Variants in JMJD1C observed in about 807,000 individuals in gnomAD.
The protein encoded by JMJD1C is jumonji domain-containing protein 1C.
A neutral mutation model predicts 245.3 loss-of-function variants in JMJD1C; 31 were observed. The ratio of observed to expected loss-of-function variants is 0.13; its 90% CI spans 0.09 to 0.17. The LOEUF is 0.17. JMJD1C is among the 10% of genes least tolerant of loss of function. The probability of loss-of-function intolerance (pLI) is 1.00; values close to 1 mark genes in which losing one functional copy is unlikely to be tolerated. For missense variants in JMJD1C, 2,691 were observed against 3,000.2 expected, an observed-to-expected ratio of 0.90 and a Z score of 2.41; for synonymous variants, 1,057 against 1,017.4, an observed-to-expected ratio of 1.04 and a Z score of -0.74.
chr10:63,366,888 G>C (rs1321330069), intron 2 of JMJD1C, among the ~76,000 whole-genome samples: 1 of 152,188 alleles, frequency 6.6e-6, no homozygotes, highest in African/African-American at 2.4e-5. Flanking sequence ...ACCTGGAATA[G>C]CGAAACAGAA....
At chr10:63,407,739 T>C (rs1418590591) in intron 1 of JMJD1C, among the ~76,000 whole-genome samples, 1 of 143,518 alleles carries the variant, frequency 7.0e-6, no homozygotes, top group Admixed American at 6.9e-5. Flanking sequence ...AAAAAAAGAA[T>C]ATTCTGAATG....
At chr10:63,507,123 C>A (rs1190380457) in intron 1 of JMJD1C, among the ~76,000 whole-genome samples, 1 of 152,172 alleles carries the variant, frequency 6.6e-6, no homozygotes, top group Non-Finnish European at 1.5e-5. Flanking sequence ...GCTAATATTT[C>A]ATTGTCAAAA....
At chr10:63,209,268 G>C in intron 8 of JMJD1C, 33 bp from the exon 9 acceptor site, 1 of 1,557,944 alleles carries the variant, frequency 6.4e-7, no homozygotes, top group Non-Finnish European at 8.7e-7. Flanking sequence ...AAAACACCTA[G>C]ATTTCAGTTA....
chr10:63,189,487 G>A (rs1234898807), intron 17 of JMJD1C, 41 bp from the exon 18 acceptor site: 1 of 1,531,460 alleles, frequency 6.5e-7, no homozygotes, highest in South Asian at 1.2e-5. Context: ...CTGTTTTTGA[G>A]AGAAATCAAA....
At chr10:63,490,604 C>A (rs563944720) in intron 1 of JMJD1C, among the ~76,000 whole-genome samples, 1 of 151,874 alleles carries the variant, frequency 6.6e-6, no homozygotes, top group South Asian at 2.1e-4. Context: ...TTAATAGAGA[C>A]GGGGTTTCAC....
chr10:63,484,045 A>G (rs576668366), intron 1 of JMJD1C, among the ~76,000 whole-genome samples: 1 of 152,324 alleles, frequency 6.6e-6, no homozygotes, highest in East Asian at 1.9e-4. Context: ...TGAAGCTAAG[A>G]AAGAATAACA....
chr10:63,483,415 T>C (rs1042131576), intron 1 of JMJD1C, among the ~76,000 whole-genome samples: 1 of 152,208 alleles, frequency 6.6e-6, no homozygotes, highest in Non-Finnish European at 1.5e-5. Flanking sequence ...AGGGGGAGGC[T>C]ATCCTCTGTG....
chr10:63,361,763 ACTC>A (rs1474347617), intron 2 of JMJD1C, among the ~76,000 whole-genome samples: 2 of 149,194 alleles, frequency 1.3e-5, no homozygotes, highest in African/African-American at 2.5e-5. Context: ...AGAATATCCT[ACTC>A]CTCAATTTCA....
intron 1 of JMJD1C, among the ~76,000 whole-genome samples, chr10:63,392,423 G>C (rs1402259139): frequency 6.6e-6 from 1 of 152,104 alleles, no homozygotes; most frequent in Non-Finnish European, 1.5e-5. Context: ...ACAGAATGAA[G>C]AGACAACCTG....
chr10:63,235,144 A>C (rs1850577443), intron 3 of JMJD1C, among the ~76,000 whole-genome samples: 1 of 152,242 alleles, frequency 6.6e-6, no homozygotes, highest in Non-Finnish European at 1.5e-5. Context: ...CGTTTCAGAT[A>C]CTGTGCTAGA....
At chr10:63,194,426 A>G (rs770261181) in intron 13 of JMJD1C, 51 bp from the exon 14 acceptor site, 1 of 1,208,706 alleles carries the variant, frequency 8.3e-7, no homozygotes, top group Non-Finnish European at 1.2e-6. Flanking sequence ...ATAATTATAA[A>G]TTGATAGTGT....
At chr10:63,520,610 T>C (rs933615416) in intron 1 of JMJD1C, among the ~76,000 whole-genome samples, 1 of 151,614 alleles carries the variant, frequency 6.6e-6, no homozygotes, top group African/African-American at 2.4e-5. Context: ...CAGTTGTAAA[T>C]CTTACAGCTG....
chr10:63,500,948 TG>T (rs1403829775), intron 1 of JMJD1C, among the ~76,000 whole-genome samples: 1 of 152,244 alleles, frequency 6.6e-6, no homozygotes, highest in East Asian at 1.9e-4. Flanking sequence ...TCAAATAATA[TG>T]TTTTTCCTCT....
chr10:63,311,930 C>G (rs964058769), intron 2 of JMJD1C, among the ~76,000 whole-genome samples: 2 of 152,068 alleles, frequency 1.3e-5, no homozygotes, highest in African/African-American at 4.8e-5. Context: ...TTATTATATG[C>G]TTTCACTTAA....
In JMJD1C at chr10:63,510,882, T is replaced by C. The variant is rs1427538038; in HGVS notation, n.113+10856A>G. Among the ~76,000 whole-genome samples, 4 of 152,246 alleles carry C rather than the reference T, an allele frequency of 2.6e-5. No homozygotes were observed. In the East Asian group the frequency reaches 5.8e-4, roughly 22 times the overall value. ...TATTCTGATGCTTTGTTGTTAGGCA[T>C]ATAGATATTAAGAATTGTTGTATCT... On this transcript the variant is annotated intron_variant and non_coding_transcript_variant, in intron 1 of 3. Transcript: ENST00000633035.
Position 63,214,641 on chromosome 10 carries a change from A to T in JMJD1C, c.1526T>A (p.Val509Asp), listed in dbSNP as rs755617043. The change falls in exon 8 of 26, where the codon GTT becomes GAT. Residue 509 changes from valine (V) to aspartate (D), a missense_variant. Physicochemically the swap from Val to Asp is radical, Grantham distance 152. This residue lies in a region of JMJD1C where 1,562 missense variants were observed against 1,490.7 expected (regional missense o/e 1.05). Coordinates refer to ENST00000399262, the MANE Select transcript of JMJD1C (RefSeq NM_032776.3). ...ATTAGTGTCATTTGTAATATCAATA[A>T]CACATTTTGGTGTGGGTGGTCTGGA... ...FVSRPPTPKCVIDITNDTNLE... is the reference protein window; with the variant it reads ...FVSRPPTPKCDIDITNDTNLE... The T allele has an allele frequency of 1.2e-6, 2 of 1,614,092 alleles. No individual in the cohort carries two copies. The highest frequency in any genetic ancestry group is 1.1e-5 in the South Asian group (1 of 91,082).
At position 63,342,887 on chromosome 10, in the gene JMJD1C, C is replaced by A. The variant is rs1335147294; in HGVS notation, c.333+37431G>T. ...TTATTTAAAATATTATTTAAAATTA[C>A]CTTCAGGTTATGTATATAAGGTGTA... On this transcript the variant is annotated intron_variant, in intron 2 of 25. Transcript: ENST00000399262. Among the ~76,000 whole-genome samples the A allele has an allele frequency of 8.5e-5, 13 of 152,240 alleles. No individual in the cohort carries two copies. The East Asian group carries it at 2.3e-3, about 27-fold the overall frequency.
rs550138474 is a variant in JMJD1C at position 63,241,013 on chromosome 10, G to A, written c.448-21030C>T. ...AGACAAAGCAAATGAGTAAGCCTAT[G>A]ATACTCTTATCATTCCTGGTGTTGC... On this transcript the variant is annotated intron_variant, in intron 3 of 25. Coordinates refer to ENST00000399262, the MANE Select transcript of JMJD1C (RefSeq NM_032776.3). Among the ~76,000 whole-genome samples, 26 of 152,252 alleles carry A rather than the reference G, an allele frequency of 1.7e-4. No homozygotes were observed. The South Asian group carries it at 3.5e-3, about 21-fold the overall frequency.
intron 13 of JMJD1C, among the ~76,000 whole-genome samples, chr10:63,195,534 C>G (rs1455793973): frequency 1.3e-5 from 2 of 152,066 alleles, no homozygotes; most frequent in African/African-American, 4.8e-5. Flanking sequence ...GATTACCACT[C>G]CATGAAGCTA....
Sources: allele counts gnomAD v4.1 joint callset (sites outside exome capture counted in the v4.1 genomes callset), GRCh38; gene constraint gnomAD v4.1.1; regional missense constraint gnomAD v4.1.1; transcripts MANE v1.5; gene names NCBI Gene and HGNC (gene_info 2026-07-23, HGNC 2026-07-21).